The following ASAP1 variants were observed in gnomAD, a reference collection of about 807,000 sequenced individuals.
ASAP1 encodes the protein ArfGAP with SH3 domain, ankyrin repeat and PH domain 1, also known as arf-GAP with SH3 domain, ANK repeat and PH domain-containing protein 1.
A neutral mutation model predicts 145.2 loss-of-function variants in ASAP1; 43 were observed. That is an observed-to-expected ratio of 0.30 (90% CI 0.23 to 0.38). The LOEUF (loss-of-function observed/expected upper bound fraction) is 0.38, where lower values mean the gene tolerates loss of function less well. ASAP1 is among the 10% of genes least tolerant of loss of function. The pLI is 1.00. For missense variants in ASAP1, 1,018 were observed against 1,355.3 expected (o/e 0.75, Z 3.91); for synonymous variants, 546 against 515.5 (o/e 1.06, Z -0.80).
intron 3 of ASAP1, among the ~76,000 whole-genome samples, chr8:130,243,222 A>G (rs1224615182): frequency 5.3e-5 from 8 of 152,080 alleles, no homozygotes; most frequent in Non-Finnish European, 8.8e-5. Context: ...TGTTCATAAA[A>G]CATTCATTAT....
At chr8:130,142,508 G>C (rs370789983) in intron 13 of ASAP1, among the ~76,000 whole-genome samples, 1 of 152,118 alleles carries the variant, frequency 6.6e-6, no homozygotes, top group African/African-American at 2.4e-5. Flanking sequence ...CACATTCCAA[G>C]CACATCTGAG....
At chr8:130,241,082 TG>T (rs1162221453) in intron 3 of ASAP1, among the ~76,000 whole-genome samples, 1 of 152,132 alleles carries the variant, frequency 6.6e-6, no homozygotes, top group Non-Finnish European at 1.5e-5. Context: ...TAAGAGCAGA[TG>T]TTCTCAGAGA....
intron 5 of ASAP1, among the ~76,000 whole-genome samples, chr8:130,209,959 T>G (rs1033596687): frequency 2.0e-5 from 3 of 152,248 alleles, no homozygotes; most frequent in African/African-American, 7.2e-5. Context: ...AGCTAAAATT[T>G]TGGAAAACTT....
chr8:130,352,536 G>A (rs1826060726), intron 3 of ASAP1, among the ~76,000 whole-genome samples: 1 of 152,206 alleles, frequency 6.6e-6, no homozygotes, highest in African/African-American at 2.4e-5. Flanking sequence ...TAAATGGAAG[G>A]TGAGGGAACA....
intron 24 of ASAP1, among the ~76,000 whole-genome samples, chr8:130,101,921 A>T (rs1264942219): frequency 4.0e-5 from 6 of 151,870 alleles, no homozygotes; most frequent in African/African-American, 1.5e-4. Flanking sequence ...TAGAAACACT[A>T]CTGATTTTTG....
At chr8:130,261,320 T>C (rs1455823634) in intron 3 of ASAP1, among the ~76,000 whole-genome samples, 1 of 152,238 alleles carries the variant, frequency 6.6e-6, no homozygotes, top group Non-Finnish European at 1.5e-5. Flanking sequence ...CACCCAGATA[T>C]GTAAGCCTCC....
chr8:130,340,861 C>T (rs1319384159), intron 3 of ASAP1: 3 of 456,054 alleles, frequency 6.6e-6, no homozygotes, highest in Non-Finnish European at 1.3e-5. Flanking sequence ...CTTATGATGG[C>T]TCCTGCATGC....
chr8:130,179,111 G>A (rs533610028), intron 9 of ASAP1, 153 bp downstream of exon 9: 2 of 507,022 alleles, frequency 3.9e-6, no homozygotes, highest in Admixed American at 7.6e-5. Flanking sequence ...GAAGATGGAA[G>A]ACACTATTTC....
At chr8:130,185,285 T>G (rs1814639039) in intron 7 of ASAP1, among the ~76,000 whole-genome samples, 1 of 152,218 alleles carries the variant, frequency 6.6e-6, no homozygotes, top group Non-Finnish European at 1.5e-5. Flanking sequence ...GCTATTCCTG[T>G]TATACATTTC....
At chr8:130,066,458 G>A (rs1394298193) in intron 27 of ASAP1, among the ~76,000 whole-genome samples, 15 of 152,094 alleles carry the variant, frequency 9.9e-5, no homozygotes, top group South Asian at 2.1e-4. Context: ...TGATCCTCCC[G>A]CTTCAGCCTC....
At position 130,340,875 on chromosome 8, in the gene ASAP1, T is replaced by C. The variant is rs115087174; in HGVS notation, c.186+17142A>G. The C allele has an allele frequency of 4.5e-3, 2,031 of 456,064 alleles. 36 individuals carry two copies. Among genetic ancestry groups the C allele is most frequent in the African/African-American group, 0.038 (1,884 of 50,108 alleles). 28.3% of individuals were successfully genotyped at this position (456,064 alleles called of 1,614,324 possible). On this transcript the variant is annotated intron_variant, in intron 3 of 29. Transcript: ENST00000518721. ...TCTTATGATGGCTCCTGCATGCTTCTTGAGGCTGACCAATCATTGCGATGA... is the reference window on the plus strand; with the variant it reads ...TCTTATGATGGCTCCTGCATGCTTCCTGAGGCTGACCAATCATTGCGATGA...
At chr8:130,410,780 AC>A (rs1294452201) in intron 1 of ASAP1, among the ~76,000 whole-genome samples, 3 of 152,234 alleles carry the variant, frequency 2.0e-5, no homozygotes, top group African/African-American at 7.2e-5. Flanking sequence ...GGACAGAAAG[AC>A]ACATTCCAAC....
intron 24 of ASAP1, among the ~76,000 whole-genome samples, chr8:130,098,504 C>T (rs80255221): frequency 6.6e-6 from 1 of 151,972 alleles, no homozygotes; most frequent in Non-Finnish European, 1.5e-5. Flanking sequence ...CCACCACGCC[C>T]GGCTAATTTT....
intron 5 of ASAP1, among the ~76,000 whole-genome samples, chr8:130,195,687 C>T (rs1815436184): frequency 6.6e-6 from 1 of 152,252 alleles, no homozygotes; most frequent in African/African-American, 2.4e-5. Flanking sequence ...CAGAGGGAGG[C>T]CGAGGTCTAT....
At chr8:130,360,674 T>G (rs141887130) in intron 2 of ASAP1, 4 of 152,162 alleles carry the variant, frequency 2.6e-5, no homozygotes, top group Non-Finnish European at 5.9e-5. Context: ...AGTAAATAAA[T>G]AAACAGGCAC....
chr8:130,351,618 C>T (rs1312874783), intron 3 of ASAP1, among the ~76,000 whole-genome samples: 1 of 152,084 alleles, frequency 6.6e-6, no homozygotes, highest in Non-Finnish European at 1.5e-5. Flanking sequence ...GGAGCAGGCA[C>T]ATCACATGGC....
chr8:130,160,837 C>T (rs941329582), intron 11 of ASAP1: 1 of 1,264,458 alleles, frequency 7.9e-7, no homozygotes, highest in Non-Finnish European at 1.0e-6. Context: ...AAAGGCAGAA[C>T]ATTTGAAAAT....
At chr8:130,340,871 C>G in intron 3 of ASAP1, 1 of 456,132 alleles carries the variant, frequency 2.2e-6, no homozygotes. Flanking sequence ...CTCCTGCATG[C>G]TTCTTGAGGC....
chr8:130,196,689 A>C (rs1037500207), intron 5 of ASAP1, among the ~76,000 whole-genome samples: 6 of 152,166 alleles, frequency 3.9e-5, no homozygotes, highest in South Asian at 2.1e-4. Flanking sequence ...TCCACTGCCC[A>C]TTGGTTCTCT....
Sources: gnomAD v4.1 joint callset for allele counts (sites outside exome capture counted in the v4.1 genomes callset) on GRCh38, gnomAD v4.1.1 for gene constraint, MANE v1.5 for transcripts, NCBI Gene and HGNC (gene_info 2026-07-23, HGNC 2026-07-21) for gene names.